BTBD9: variants seen among roughly 807,000 people sequenced by gnomAD.
BTBD9 encodes the protein BTB domain containing 9, also known as BTB/POZ domain-containing protein 9.
Under a neutral mutation model 64.3 loss-of-function variants are expected in BTBD9, and 49 were observed. The ratio of observed to expected loss-of-function variants is 0.76; its 90% CI spans 0.61 to 0.97. The LOEUF is 0.97. Among genes scored for constraint, BTBD9 ranks in the 50% least tolerant of loss-of-function variants. BTBD9 has a pLI of 0.00. For missense variants in BTBD9, 598 were observed against 762.1 expected (o/e 0.78, Z 2.53); for synonymous variants, 260 against 274.7 (o/e 0.95, Z 0.53).
intron 6 of BTBD9, among the ~76,000 whole-genome samples, chr6:38,521,706 C>A (rs1773278261): frequency 6.6e-6 from 1 of 151,980 alleles, no homozygotes; most frequent in Admixed American, 6.6e-5. Context: ...TGGAGTTTTG[C>A]TCTTGTCACC....
chr6:38,464,089 G>A (rs553755616), intron 6 of BTBD9, among the ~76,000 whole-genome samples: 30 of 152,204 alleles, frequency 2.0e-4, no homozygotes, highest in African/African-American at 7.0e-4. Flanking sequence ...TCTGAGAAGT[G>A]TCCTTATAAG....
intron 9 of BTBD9, among the ~76,000 whole-genome samples, chr6:38,209,244 C>T (rs1432392643): frequency 1.3e-5 from 2 of 152,048 alleles, no homozygotes; most frequent in African/African-American, 2.4e-5. Flanking sequence ...AGGAGGTGGC[C>T]GAGTGTCTAC....
chr6:38,592,957 C>T, intron 3 of BTBD9, 117 bp from the exon 4 acceptor site: 1 of 1,044,902 alleles, frequency 9.6e-7, no homozygotes, highest in Admixed American at 2.4e-5. Context: ...TTGACCCTCT[C>T]CTTCCCTTAT....
intron 1 of BTBD9, among the ~76,000 whole-genome samples, chr6:38,610,654 A>AT (rs1162504638): frequency 6.6e-6 from 1 of 152,198 alleles, no homozygotes; most frequent in Non-Finnish European, 1.5e-5. Context: ...TGGGCAGATC[A>AT]TTTTAAGTCC....
At chr6:38,290,299 C>G (rs1247751102) in intron 7 of BTBD9, among the ~76,000 whole-genome samples, 1 of 151,278 alleles carries the variant, frequency 6.6e-6, no homozygotes, top group Non-Finnish European at 1.5e-5. Context: ...AGAAGGAGCT[C>G]AGAGAGAAGC....
chr6:38,596,045 T>C (rs1777019172), intron 2 of BTBD9: 1 of 985,418 alleles, frequency 1.0e-6, no homozygotes. Context: ...CTATGAAGTT[T>C]CCTCCTATAC....
At chr6:38,482,527 A>T (rs923393222) in intron 6 of BTBD9, 5 of 151,626 alleles carry the variant, frequency 3.3e-5, no homozygotes, top group Non-Finnish European at 7.4e-5. Context: ...ACTTAATTTT[A>T]TTCATGCTCT....
chr6:38,347,198 C>T (rs1197030946), intron 6 of BTBD9, among the ~76,000 whole-genome samples: 1 of 152,140 alleles, frequency 6.6e-6, no homozygotes, highest in Admixed American at 6.5e-5. Flanking sequence ...CTCCTTTGCC[C>T]CGCAGTTATA....
intron 10 of BTBD9, chr6:38,179,598 TCTCAGGCAGTTGGGGG>T (rs1358565966): frequency 2.2e-6 from 1 of 456,630 alleles, no homozygotes; most frequent in Non-Finnish European, 4.4e-6. Flanking sequence ...CCTCAGGACC[TCTCAGGCAGTTGGGGG>T]CAGAGGCACC....
intron 6 of BTBD9, among the ~76,000 whole-genome samples, chr6:38,451,073 T>C (rs1369229438): frequency 6.6e-6 from 1 of 152,150 alleles, no homozygotes; most frequent in Non-Finnish European, 1.5e-5. Flanking sequence ...CAGTGATTCT[T>C]TTCTGCTTTT....
intron 9 of BTBD9, among the ~76,000 whole-genome samples, chr6:38,210,917 G>T (rs980681191): frequency 6.6e-6 from 1 of 152,128 alleles, no homozygotes; most frequent in African/African-American, 2.4e-5. Context: ...ACATTACCAG[G>T]CGTCCCAGTC....
chr6:38,353,295 T>A (rs1325021101), intron 6 of BTBD9, among the ~76,000 whole-genome samples: 1 of 152,190 alleles, frequency 6.6e-6, no homozygotes. Context: ...CATGGTTTAG[T>A]TTTCTTTTTG....
intron 6 of BTBD9, among the ~76,000 whole-genome samples, chr6:38,520,789 AT>A (rs34295496): frequency 0.19 from 28,075 of 151,432 alleles, 2,669 homozygotes; most frequent in East Asian, 0.27. Context: ...AAAATAAAAA[AT>A]TTAAAAAAAA....
At chr6:38,427,510 AG>A (rs1488183024) in intron 6 of BTBD9, among the ~76,000 whole-genome samples, 1 of 151,966 alleles carries the variant, frequency 6.6e-6, no homozygotes, top group African/African-American at 2.4e-5. Flanking sequence ...TGCATGGGCT[AG>A]CCATGCACAG....
chr6:38,321,271 T>C (rs936149556), intron 7 of BTBD9, among the ~76,000 whole-genome samples: 8 of 152,166 alleles, frequency 5.3e-5, no homozygotes, highest in Admixed American at 2.0e-4. Context: ...GACATTGCCA[T>C]GTGGCTGCTC....
intron 6 of BTBD9, among the ~76,000 whole-genome samples, chr6:38,424,166 A>T (rs1482990961): frequency 6.6e-6 from 1 of 152,042 alleles, no homozygotes; most frequent in African/African-American, 2.4e-5. Context: ...CAAGTGGATT[A>T]TATTTCCAAG....
At chr6:38,550,442 A>G (rs1467359855) in intron 6 of BTBD9, among the ~76,000 whole-genome samples, 2 of 150,630 alleles carry the variant, frequency 1.3e-5, no homozygotes, top group African/African-American at 2.4e-5. Context: ...TCAGCCTCCC[A>G]AGTAGCTGGG....
intron 7 of BTBD9, among the ~76,000 whole-genome samples, chr6:38,327,564 T>C (rs1313210326): frequency 6.6e-6 from 1 of 152,224 alleles, no homozygotes; most frequent in African/African-American, 2.4e-5. Flanking sequence ...ATTTTCAACA[T>C]CTTTCCTGAG....
intron 1 of BTBD9, among the ~76,000 whole-genome samples, chr6:38,626,323 C>T (rs1458695324): frequency 6.6e-6 from 1 of 152,288 alleles, no homozygotes; most frequent in South Asian, 2.1e-4. Flanking sequence ...CAATTATACT[C>T]TTTTTAGTTA....
Sources: gnomAD v4.1 joint callset for allele counts (sites outside exome capture counted in the v4.1 genomes callset) on GRCh38, gnomAD v4.1.1 for gene constraint, MANE v1.5 for transcripts, NCBI Gene and HGNC (gene_info 2026-07-23, HGNC 2026-07-21) for gene names.